ERBB4: variants seen among roughly 807,000 people sequenced by gnomAD.
ERBB4 encodes erb-b2 receptor tyrosine kinase 4.
ERBB4 carries 42 observed loss-of-function variants against 158.0 expected under a neutral mutation model. That is an observed-to-expected ratio of 0.27 (90% CI 0.21 to 0.34). The LOEUF is 0.34. ERBB4 is among the 10% of genes least tolerant of loss of function. The pLI, the probability that ERBB4 is intolerant of heterozygous loss-of-function variation, is 1.00. For missense variants in ERBB4, 1,333 were observed against 1,624.1 expected (o/e 0.82, Z 3.08); for synonymous variants, 583 against 558.7 (o/e 1.04, Z -0.61).
At chr2:211,466,382 C>T (rs937353076) in intron 20 of ERBB4, among the ~76,000 whole-genome samples, 2 of 146,286 alleles carry the variant, frequency 1.4e-5, no homozygotes, top group Non-Finnish European at 3.0e-5. Flanking sequence ...TCAATGATGC[C>T]ATGAAATATG....
chr2:212,536,229 T>C (rs1333439408), intron 1 of ERBB4, among the ~76,000 whole-genome samples: 2 of 151,454 alleles, frequency 1.3e-5, no homozygotes, highest in African/African-American at 4.9e-5. Flanking sequence ...ACAGCCTCAC[T>C]CATACCCCAG....
chr2:211,810,925 CG>C lies in ERBB4; in HGVS notation c.422-22767del, dbSNP rs1453084077. On this transcript the variant is annotated intron_variant, in intron 3 of 27. Coordinates refer to ENST00000342788, the MANE Select transcript of ERBB4 (RefSeq NM_005235.3). ...TCCTGACCTCATGATCCACCCGCCT[CG>C]GCCTCCCAAAGTGCTGGGATTACAG... Among the ~76,000 whole-genome samples the C allele has an allele frequency of 3.3e-5, 5 of 152,032 alleles. 1 individual carries two copies. Among genetic ancestry groups the C allele is most frequent in the African/African-American group, 1.2e-4 (5 of 41,408 alleles).
chr2:211,484,773 C>G (rs906977454), intron 20 of ERBB4, among the ~76,000 whole-genome samples: 3 of 152,008 alleles, frequency 2.0e-5, no homozygotes, highest in Admixed American at 1.3e-4. Context: ...ATTTCAACAT[C>G]TATCTGTCAA....
At chr2:211,399,337 C>CAAAG (rs2062985805) in intron 25 of ERBB4, among the ~76,000 whole-genome samples, 1 of 152,068 alleles carries the variant, frequency 6.6e-6, no homozygotes, top group African/African-American at 2.4e-5. Context: ...GAATGTTCAG[C>CAAAG]AAAGATATAT....
At chr2:211,982,594 A>C (rs2081832918) in intron 2 of ERBB4, among the ~76,000 whole-genome samples, 1 of 152,104 alleles carries the variant, frequency 6.6e-6, no homozygotes, top group Non-Finnish European at 1.5e-5. Context: ...AAATTGTGAA[A>C]GACTTTGGAC....
chr2:211,583,622 C>T (rs6435641), intron 19 of ERBB4, among the ~76,000 whole-genome samples: 151,578 of 151,620 alleles, frequency 1, 75,768 homozygotes, highest in Non-Finnish European at 1. Flanking sequence ...AGGTACAGCA[C>T]TTTGTTGTAA....
intron 3 of ERBB4, among the ~76,000 whole-genome samples, chr2:211,890,610 C>T (rs1482929230): frequency 7.0e-6 from 1 of 142,806 alleles, no homozygotes; most frequent in African/African-American, 2.6e-5. Context: ...CACAGACTGG[C>T]AAATTGGATA....
chr2:211,602,798 G>A (rs900637461), intron 19 of ERBB4, among the ~76,000 whole-genome samples: 1 of 152,038 alleles, frequency 6.6e-6, no homozygotes, highest in Non-Finnish European at 1.5e-5. Flanking sequence ...TGGTATCCCC[G>A]AACTAAAGGA....
chr2:212,477,981 G>A (rs540526124), intron 1 of ERBB4, among the ~76,000 whole-genome samples: 1 of 151,914 alleles, frequency 6.6e-6, no homozygotes, highest in Non-Finnish European at 1.5e-5. Context: ...AATCTTATTG[G>A]GCTGTGTCAT....
intron 1 of ERBB4, among the ~76,000 whole-genome samples, chr2:212,251,707 G>T (rs558392362): frequency 6.6e-6 from 1 of 152,044 alleles, no homozygotes; most frequent in East Asian, 1.9e-4. Flanking sequence ...TAAAAAAAAG[G>T]TTAATACTTC....
chr2:211,619,838 G>A (rs534380408), intron 18 of ERBB4, among the ~76,000 whole-genome samples: 34 of 152,108 alleles, frequency 2.2e-4, no homozygotes, highest in Non-Finnish European at 4.1e-4. Context: ...AAAGGCAAGT[G>A]CTAGGGGATA....
In ERBB4 at chr2:211,398,788, G is replaced by A. The variant is rs151320372; in HGVS notation, c.3136-10796C>T. On this transcript the variant is annotated intron_variant, in intron 25 of 27. Coordinates refer to ENST00000342788, the MANE Select transcript of ERBB4 (RefSeq NM_005235.3). ...GGAGGTTGCAGTAAGCCGAGATTGCGCCACTGCACTCCAGCCTGGGCGACA... is the reference window on the plus strand; with the variant it reads ...GGAGGTTGCAGTAAGCCGAGATTGCACCACTGCACTCCAGCCTGGGCGACA... 7.8e-3 allele frequency among the ~76,000 whole-genome samples: 1,186 copies of A among 152,248 alleles called. 15 individuals are homozygous for A. The highest frequency in any genetic ancestry group is 0.027 in the African/African-American group (1,112 of 41,550).
At chr2:212,427,435 C>A (rs1356444591) in intron 1 of ERBB4, among the ~76,000 whole-genome samples, 3 of 152,096 alleles carry the variant, frequency 2.0e-5, no homozygotes, top group Non-Finnish European at 4.4e-5. Context: ...CTGCCTCGAA[C>A]CTATTCTTAC....
chr2:211,518,135 G>C (rs2066087042), intron 20 of ERBB4, among the ~76,000 whole-genome samples: 1 of 151,944 alleles, frequency 6.6e-6, no homozygotes, highest in Admixed American at 6.6e-5. Flanking sequence ...CTAAGGACGT[G>C]AGGTCTGGAA....
At chr2:211,861,080 A>ATATT (rs2078016374) in intron 3 of ERBB4, among the ~76,000 whole-genome samples, 2 of 52,944 alleles carry the variant, frequency 3.8e-5, no homozygotes, top group African/African-American at 8.0e-5. Flanking sequence ...ATATTTATAT[A>ATATT]TTATAAAATA....
intron 1 of ERBB4, among the ~76,000 whole-genome samples, chr2:212,371,074 C>T (rs12104818): frequency 0.2 from 29,831 of 152,054 alleles, 3,080 homozygotes; most frequent in South Asian, 0.26. Context: ...TCAGCAGTTT[C>T]TCAGTGAAAG....
chr2:211,728,488 A>C (rs959330871), intron 5 of ERBB4, among the ~76,000 whole-genome samples: 1 of 151,846 alleles, frequency 6.6e-6, no homozygotes, highest in Non-Finnish European at 1.5e-5. Flanking sequence ...ATACAATATA[A>C]ATGACATTTT....
chr2:212,362,209 C>T (rs2106364397), intron 1 of ERBB4, among the ~76,000 whole-genome samples: 1 of 151,478 alleles, frequency 6.6e-6, no homozygotes, highest in Admixed American at 6.6e-5. Flanking sequence ...AAAAGTATGA[C>T]TTTCAAATCT....
At chr2:212,398,675 T>C (rs1048483636) in intron 1 of ERBB4, among the ~76,000 whole-genome samples, 1 of 152,176 alleles carries the variant, frequency 6.6e-6, no homozygotes, top group African/African-American at 2.4e-5. Flanking sequence ...CAATTGTATT[T>C]GTAAAAGACA....
Sources: allele counts gnomAD v4.1 joint callset (sites outside exome capture counted in the v4.1 genomes callset), GRCh38; gene constraint gnomAD v4.1.1; transcripts MANE v1.5; gene names NCBI Gene and HGNC (gene_info 2026-07-23, HGNC 2026-07-21).